Variants in PKHD1 observed in about 807,000 individuals in gnomAD.
PKHD1 encodes the protein PKHD1 ciliary IPT domain containing fibrocystin/polyductin.
In PKHD1, 291 loss-of-function variants were observed where a neutral mutation model predicts 412.0. That is an observed-to-expected ratio of 0.71 (90% confidence interval 0.64 to 0.78). The LOEUF (loss-of-function observed/expected upper bound fraction) is 0.78, where lower values mean the gene tolerates loss of function less well. PKHD1 is among the 30% of genes least tolerant of loss of function. The pLI, the probability that PKHD1 is intolerant of heterozygous loss-of-function variation, is 0.00. For missense variants in PKHD1, 4,825 were observed against 4,950.7 expected (o/e 0.97, Z 0.76); for synonymous variants, 1,777 against 1,821.5 (o/e 0.98, Z 0.62).
chr6:51,967,418 T>C (rs1172282094), intron 35 of PKHD1, among the ~76,000 whole-genome samples: 1 of 152,172 alleles, frequency 6.6e-6, no homozygotes, highest in Non-Finnish European at 1.5e-5. Flanking sequence ...AGTGTATCTA[T>C]AGTACATCAG....
chr6:51,830,415 C>G (rs2025752), intron 52 of PKHD1, among the ~76,000 whole-genome samples: 67,475 of 151,864 alleles, frequency 0.44, 16,072 homozygotes, highest in Middle Eastern at 0.62. Flanking sequence ...CGGCAATTTT[C>G]AAAACTCATA....
At chr6:51,899,368 A>G (rs1159089502) in intron 43 of PKHD1, among the ~76,000 whole-genome samples, 5 of 152,028 alleles carry the variant, frequency 3.3e-5, no homozygotes, top group African/African-American at 1.2e-4. Flanking sequence ...CAATATACGC[A>G]AATCAATAAA....
chr6:51,869,504 C>G (rs960723534), intron 47 of PKHD1, among the ~76,000 whole-genome samples: 1 of 151,960 alleles, frequency 6.6e-6, no homozygotes, highest in Non-Finnish European at 1.5e-5. Flanking sequence ...TATATTTGTA[C>G]CCCCTAGGTC....
Position 51,659,780 on chromosome 6 carries a change from G to C in PKHD1, c.10346C>G (p.Pro3449Arg). 6.2e-7 allele frequency: 1 copy of C among 1,613,248 alleles called. No homozygotes were observed. Among genetic ancestry groups the C allele is most frequent in the African/African-American group, 1.3e-5 (1 of 74,988 alleles). The change falls in exon 61 of 67, where the codon CCC becomes CGC. Residue 3449 changes from proline (P) to arginine (R), a missense_variant. By Grantham distance (103) the Pro-to-Arg change is moderately radical. Coordinates refer to ENST00000371117, the MANE Select transcript of PKHD1 (RefSeq NM_138694.4). Reference protein sequence around the residue: ...DVFSSVNANIPCSTSGSVSTF... With the variant: ...DVFSSVNANIRCSTSGSVSTF... ...AGACACTGACCCAGAAGTAGAGCAG[G>C]GAATATTGGCATTTACACTGCTAAA...
Position 51,618,744 on chromosome 6 carries a change from A to C in PKHD1, c.*337T>G. 5.4e-6 allele frequency: 2 copies of C among 368,966 alleles called. No homozygotes were observed. The highest frequency in any genetic ancestry group is 1.0e-5 in the Non-Finnish European group (2 of 192,592). 22.9% of individuals were successfully genotyped at this position (368,966 alleles called of 1,614,324 possible). On this transcript the variant is annotated 3_prime_UTR_variant, in exon 67 of 67. Coordinates refer to ENST00000371117, the MANE Select transcript of PKHD1 (RefSeq NM_138694.4). ...GCATTGTGGGTGGTCAATCCAGAGAATGCTTAATAATAACCCCTGCTGGTA... is the reference window on the plus strand; with the variant it reads ...GCATTGTGGGTGGTCAATCCAGAGACTGCTTAATAATAACCCCTGCTGGTA...
intron 65 of PKHD1, among the ~76,000 whole-genome samples, chr6:51,628,657 T>C (rs1435910072): frequency 6.6e-6 from 1 of 152,226 alleles, no homozygotes; most frequent in Non-Finnish European, 1.5e-5. Flanking sequence ...CAAACTGTTT[T>C]GCATAGTGGC....
At chr6:52,079,147 T>A (rs1811702832) in intron 5 of PKHD1, among the ~76,000 whole-genome samples, 1 of 152,178 alleles carries the variant, frequency 6.6e-6, no homozygotes, top group African/African-American at 2.4e-5. Context: ...TCATAAACCA[T>A]CTAGGACCTT....
chr6:51,996,410 T>G (rs1797724136), intron 35 of PKHD1, among the ~76,000 whole-genome samples: 1 of 152,142 alleles, frequency 6.6e-6, no homozygotes. Flanking sequence ...TTTTCTTTAT[T>G]ATTAGAGGAA....
At chr6:52,064,138 C>T (rs1157409241) in intron 13 of PKHD1, among the ~76,000 whole-genome samples, 1 of 152,216 alleles carries the variant, frequency 6.6e-6, no homozygotes, top group African/African-American at 2.4e-5. Flanking sequence ...AAGGTTTCTT[C>T]CCCTGCTGGG....
At chr6:51,626,049 C>A (rs1169843213) in intron 66 of PKHD1, among the ~76,000 whole-genome samples, 1 of 152,092 alleles carries the variant, frequency 6.6e-6, no homozygotes, top group Admixed American at 6.6e-5. Flanking sequence ...ACCTTTATTT[C>A]TTTCATGGAA....
intron 39 of PKHD1, 32 bp from the exon 40 acceptor site, chr6:51,909,506 A>C: frequency 6.5e-7 from 1 of 1,549,188 alleles, no homozygotes; most frequent in Non-Finnish European, 8.9e-7. Context: ...AGAGAACCTA[A>C]AGCATGTAGA....
At chr6:51,880,965 C>CA (rs1242623170) in intron 46 of PKHD1, among the ~76,000 whole-genome samples, 889 of 83,998 alleles carry the variant, frequency 0.011, 9 homozygotes, top group East Asian at 0.038. Context: ...GACTCCGTCT[C>CA]AAAAAAAAAA....
chr6:51,775,171 C>CA lies in PKHD1; in HGVS notation c.8554+636dup, dbSNP rs535688769. Among the ~76,000 whole-genome samples, 305 of 151,160 alleles carry CA rather than the reference C, an allele frequency of 2.0e-3. 2 individuals carry two copies. The highest frequency in any genetic ancestry group is 6.7e-3 in the African/African-American group (278 of 41,324). ...ATTATATAAGTAAGGGAAAAATAAC[C>CA]AAAAAAATGAACATTCTTGAAGAAA... On this transcript the variant is annotated intron_variant, in intron 54 of 66. Coordinates refer to ENST00000371117, the MANE Select transcript of PKHD1 (RefSeq NM_138694.4).
At chr6:51,947,039 A>G (rs1789564271) in intron 36 of PKHD1, among the ~76,000 whole-genome samples, 1 of 152,212 alleles carries the variant, frequency 6.6e-6, no homozygotes, top group Admixed American at 6.5e-5. Context: ...AAGAGTGGCT[A>G]TACCTACTAT....
At chr6:51,647,832 T>C (rs1770313343) in intron 63 of PKHD1, among the ~76,000 whole-genome samples, 199 bp downstream of exon 63, 1 of 152,172 alleles carries the variant, frequency 6.6e-6, no homozygotes, top group East Asian at 1.9e-4. Context: ...GAAAAAGTGG[T>C]GACTTTAGGA....
intron 64 of PKHD1, among the ~76,000 whole-genome samples, chr6:51,637,724 T>G (rs2150323461): frequency 6.6e-6 from 1 of 152,070 alleles, no homozygotes; most frequent in Non-Finnish European, 1.5e-5. Flanking sequence ...GCCAACATGG[T>G]GAAACCTCAT....
Position 52,043,104 on chromosome 6 carries a change from G to A in PKHD1, c.2852C>T (p.Thr951Ile). Residue 951 changes from threonine to isoleucine, a missense_variant, in exon 27 of 67, where the codon ACC becomes ATC. Thr to Ile is a moderately conservative substitution (Grantham distance 89). Coordinates refer to ENST00000371117, the MANE Select transcript of PKHD1 (RefSeq NM_138694.4). ...GGAGTCACCAGAGAAACCAGTTCCG[G>A]TAATGTAAATCATTAGGTTGATGTC... ...DGDINLMIYI[T>I]GTGFSGDSQF... The A allele has an allele frequency of 6.2e-7, 1 of 1,613,172 alleles. No individual in the cohort carries two copies. Among genetic ancestry groups the A allele is most frequent in the Non-Finnish European group, 8.5e-7 (1 of 1,179,186 alleles).
intron 25 of PKHD1, 102 bp downstream of exon 25, chr6:52,044,864 G>A (rs1805526138): frequency 7.5e-7 from 1 of 1,327,442 alleles, no homozygotes; most frequent in Admixed American, 1.7e-5. Flanking sequence ...TTGGCAAAAT[G>A]ACCCTTAAGA....
rs545400851 is a variant in PKHD1, at chr6:51,778,862, T to G, written c.8441-2941A>C. On this transcript the variant is annotated intron_variant, in intron 53 of 66. Coordinates refer to ENST00000371117, the MANE Select transcript of PKHD1 (RefSeq NM_138694.4). Reference sequence around the variant, plus strand: ...CAACCCGTAAGAAATTATTTACCCTTCCTTCAACTCACTCTCCTCTGTGCT... The same window carrying G: ...CAACCCGTAAGAAATTATTTACCCTGCCTTCAACTCACTCTCCTCTGTGCT... Among the ~76,000 whole-genome samples the G allele has an allele frequency of 7.9e-5, 12 of 152,240 alleles. No individual in the cohort carries two copies. In the South Asian group the frequency reaches 2.3e-3, roughly 29 times the overall value.
Sources: gnomAD v4.1 joint callset for allele counts (sites outside exome capture counted in the v4.1 genomes callset) on GRCh38, gnomAD v4.1.1 for gene constraint, MANE v1.5 for transcripts, NCBI Gene and HGNC (gene_info 2026-07-23, HGNC 2026-07-21) for gene names.